MRPS27: variants seen among roughly 807,000 people sequenced by gnomAD.
MRPS27 encodes the protein mitochondrial ribosomal protein S27, also known as small ribosomal subunit protein mS27.
MRPS27 carries 43 observed loss-of-function variants against 48.9 expected under a neutral mutation model. The ratio of observed to expected loss-of-function variants is 0.88; its 90% CI spans 0.69 to 1.13. MRPS27 has a LOEUF of 1.13. Among genes scored for constraint, MRPS27 ranks in the 50% most tolerant of loss-of-function variants. The pLI is 0.00. For synonymous variants in MRPS27, 188 were observed against 171.9 expected (o/e 1.09, Z -0.73); for missense variants, 467 against 476.3 (o/e 0.98, Z 0.18).
intron 2 of MRPS27, among the ~76,000 whole-genome samples, chr5:72,298,683 G>A (rs1220749541): frequency 2.1e-5 from 3 of 145,520 alleles, no homozygotes; most frequent in South Asian, 2.2e-4. Context: ...TCCGCAGTCC[G>A]GCCTGGGAGA....
intron 4 of MRPS27, among the ~76,000 whole-genome samples, chr5:72,276,856 C>A (rs933225240): frequency 4.9e-4 from 74 of 151,952 alleles, no homozygotes; most frequent in African/African-American, 1.7e-3. Flanking sequence ...ACAGTGAAAC[C>A]CCATCTCTAC....
At chr5:72,242,833 A>T (rs1310037334) in intron 4 of MRPS27, among the ~76,000 whole-genome samples, 1 of 152,226 alleles carries the variant, frequency 6.6e-6, no homozygotes, top group East Asian at 1.9e-4. Flanking sequence ...GGCAATGCTC[A>T]TCAGCATTTT....
At position 72,223,789 on chromosome 5, in the gene MRPS27, T is replaced by G. The variant is rs376015004; in HGVS notation, c.899A>C (p.Gln300Pro). ...CTGGTTGTCTTCATCATTTTGGGACTGCTCCTCTGAAGCCCCATCAGCTGA... is the reference window on the plus strand; with the variant it reads ...CTGGTTGTCTTCATCATTTTGGGACGGCTCCTCTGAAGCCCCATCAGCTGA... ...LTSADGASEEQSQNDEDNQGS... is the reference protein window; with the variant it reads ...LTSADGASEEPSQNDEDNQGS... Residue 300 changes from glutamine to proline, a missense_variant, in exon 10 of 11, where the codon CAG becomes CCG. Gln to Pro is a moderately conservative substitution (Grantham distance 76). Coordinates refer to ENST00000261413, the MANE Select transcript of MRPS27 (RefSeq NM_015084.3). The G allele has an allele frequency of 3.7e-6, 6 of 1,613,928 alleles. No individual in the cohort carries two copies. The highest frequency in any genetic ancestry group is 1.1e-5 in the South Asian group (1 of 91,088).
At chr5:72,230,169 A>T (rs981546244) in intron 7 of MRPS27, among the ~76,000 whole-genome samples, 1 of 152,226 alleles carries the variant, frequency 6.6e-6, no homozygotes, top group Admixed American at 6.5e-5. Context: ...TACTAAGATT[A>T]CAGGCATGAG....
rs141174348 is a variant in MRPS27 at position 72,287,027 on chromosome 5, G to A, written c.281+8504C>T. ...CTGGGCGGCACAGTAGGAGGTGAGC[G>A]GTGGGTGGGTGAGCATTACCGCCTG... On this transcript the variant is annotated intron_variant, in intron 4 of 10. Coordinates refer to ENST00000261413, the MANE Select transcript of MRPS27 (RefSeq NM_015084.3). Among the ~76,000 whole-genome samples, 1,451 of 152,260 alleles carry A rather than the reference G, an allele frequency of 9.5e-3. 20 individuals are homozygous for A. The highest frequency in any genetic ancestry group is 0.02 in the Middle Eastern group (6 of 294).
chr5:72,315,848 T>C (rs1750551772), intron 1 of MRPS27, among the ~76,000 whole-genome samples: 3 of 152,340 alleles, frequency 2.0e-5, no homozygotes, highest in South Asian at 4.1e-4. Context: ...ATGGAGTTAC[T>C]CTATCACCCA....
At chr5:72,258,117 A>C (rs1007191910) in intron 4 of MRPS27, among the ~76,000 whole-genome samples, 2 of 150,868 alleles carry the variant, frequency 1.3e-5, no homozygotes, top group South Asian at 4.2e-4. Flanking sequence ...TTGGAGAATG[A>C]CTGGGAAGCT....
intron 4 of MRPS27, among the ~76,000 whole-genome samples, chr5:72,288,072 G>A (rs1749721371): frequency 6.6e-6 from 1 of 152,152 alleles, no homozygotes; most frequent in Non-Finnish European, 1.5e-5. Flanking sequence ...AGATCATTCT[G>A]GGAAAGCTAG....
intron 4 of MRPS27, among the ~76,000 whole-genome samples, chr5:72,271,848 G>A (rs754979767): frequency 2.6e-5 from 4 of 152,190 alleles, no homozygotes; most frequent in South Asian, 2.1e-4. Flanking sequence ...AGGAGCACGT[G>A]CCAGCCATCT....
chr5:72,284,502 G>C (rs1423886353), intron 4 of MRPS27, among the ~76,000 whole-genome samples: 1 of 151,838 alleles, frequency 6.6e-6, no homozygotes, highest in Non-Finnish European at 1.5e-5. Flanking sequence ...AAAAGAGAAG[G>C]GGGGAGGGAA....
chr5:72,269,931 G>A (rs565924577), intron 4 of MRPS27, among the ~76,000 whole-genome samples: 1 of 152,040 alleles, frequency 6.6e-6, no homozygotes, highest in African/African-American at 2.4e-5. Flanking sequence ...GGTGGCTCAC[G>A]CCTGTAATCC....
intron 4 of MRPS27, among the ~76,000 whole-genome samples, chr5:72,251,571 C>T (rs2111983819): frequency 6.6e-6 from 1 of 152,314 alleles, no homozygotes. Context: ...ATTAGCAAAG[C>T]ACTCTTATAA....
intron 7 of MRPS27, among the ~76,000 whole-genome samples, chr5:72,231,811 C>G (rs940945845): frequency 6.6e-6 from 1 of 152,116 alleles, no homozygotes; most frequent in African/African-American, 2.4e-5. Context: ...TACCTACTAG[C>G]TGGGGGGTTA....
chr5:72,234,804 T>C (rs904032052), intron 5 of MRPS27, among the ~76,000 whole-genome samples: 2 of 152,126 alleles, frequency 1.3e-5, no homozygotes, highest in African/African-American at 4.8e-5. Flanking sequence ...CTCAGACCTA[T>C]AGAACCAGAA....
chr5:72,243,561 G>T (rs536605926), intron 4 of MRPS27, among the ~76,000 whole-genome samples: 1 of 152,030 alleles, frequency 6.6e-6, no homozygotes. Context: ...TCCTGCTTGG[G>T]ATCTCAGATT....
chr5:72,278,291 A>G (rs911545405), intron 4 of MRPS27, among the ~76,000 whole-genome samples: 1 of 151,900 alleles, frequency 6.6e-6, no homozygotes, highest in African/African-American at 2.4e-5. Flanking sequence ...AGATACAAAA[A>G]AATTAGCTGG....
At chr5:72,251,719 A>G (rs1748671354) in intron 4 of MRPS27, among the ~76,000 whole-genome samples, 1 of 152,226 alleles carries the variant, frequency 6.6e-6, no homozygotes, top group Admixed American at 6.5e-5. Flanking sequence ...AGTGCTGCTC[A>G]TGGCTTGGAT....
At position 72,220,104 on chromosome 5, in the gene MRPS27, T is replaced by G. The variant is rs1443758238; in HGVS notation, c.*805A>C. 6.5e-6 allele frequency: 1 copy of G among 152,696 alleles called. No individual in the cohort carries two copies. Among genetic ancestry groups the G allele is most frequent in the Non-Finnish European group, 1.5e-5 (1 of 68,118 alleles). The allele number at this position is 152,696 out of a possible 1,614,324, so 9.5% of individuals were successfully genotyped here. On this transcript the variant is annotated 3_prime_UTR_variant, in exon 11 of 11. Transcript: ENST00000261413. ...AAAGGAGAATGTGGGAATGTGTGAGTATCCCACAGCCAGCTCACAGTGCAG... is the reference window on the plus strand; with the variant it reads ...AAAGGAGAATGTGGGAATGTGTGAGGATCCCACAGCCAGCTCACAGTGCAG...
chr5:72,309,364 C>T (rs1750375497), intron 2 of MRPS27, among the ~76,000 whole-genome samples: 1 of 151,712 alleles, frequency 6.6e-6, no homozygotes, highest in South Asian at 2.1e-4. Context: ...CTCCCGGGTT[C>T]GAGCGATTCT....
Sources: allele counts gnomAD v4.1 joint callset (sites outside exome capture counted in the v4.1 genomes callset), GRCh38; gene constraint gnomAD v4.1.1; transcripts MANE v1.5; gene names NCBI Gene and HGNC (gene_info 2026-07-23, HGNC 2026-07-21).